The following KRT40 variants were observed in gnomAD, a reference collection of about 807,000 sequenced individuals.
KRT40 encodes keratin, type I cytoskeletal 40.
A neutral mutation model predicts 43.5 loss-of-function variants in KRT40; 47 were observed. That is an observed-to-expected ratio of 1.08 (90% confidence interval 0.86 to 1.38). The LOEUF (loss-of-function observed/expected upper bound fraction) is 1.38, where lower values mean the gene tolerates loss of function less well. Among genes scored for constraint, KRT40 ranks in the 40% most tolerant of loss-of-function variants. The pLI, the probability that KRT40 is intolerant of heterozygous loss-of-function variation, is 0.00. For synonymous variants in KRT40, 212 were observed against 214.0 expected (o/e 0.99, Z 0.08); for missense variants, 573 against 523.6 (o/e 1.09, Z -0.92).
At chr17:40,981,301 T>G (rs8074364) in intron 3 of KRT40, 150 bp from the exon 4 acceptor site, 414,729 of 1,431,036 alleles carry the variant, frequency 0.29, 65,375 homozygotes, top group African/African-American at 0.63. Flanking sequence ...TTTTCACCAC[T>G]TAGAAGGGCC....
At chr17:40,986,011 T>C (rs1223431245), upstream of KRT40, among the ~76,000 whole-genome samples, 2 of 152,248 alleles carry the variant, frequency 1.3e-5, no homozygotes, top group Non-Finnish European at 2.9e-5. Flanking sequence ...GTTATTGTCC[T>C]GCAGGTAGGA....
At position 40,980,776 on chromosome 17, in the gene KRT40, C is replaced by G. The variant is rs781343960; in HGVS notation, c.975+9G>C. The G allele has an allele frequency of 6.3e-7, 1 of 1,587,802 alleles. No individual in the cohort carries two copies. The highest frequency in any genetic ancestry group is 1.1e-5 in the South Asian group (1 of 87,348). On this transcript the variant is annotated intron_variant, in intron 5 of 6. Transcript: ENST00000377755. ...GTGACACAACGGACACTGCCTTTGCCTCACGCACCAGGCTTTGCTGTGCTT... is the reference window on the plus strand; with the variant it reads ...GTGACACAACGGACACTGCCTTTGCGTCACGCACCAGGCTTTGCTGTGCTT...
rs1362856346 is a variant in KRT40 at position 40,981,121 on chromosome 17, C to T, written c.718G>A (p.Asp240Asn). 7.4e-6 allele frequency: 12 copies of T among 1,613,934 alleles called. No homozygotes were observed. The highest frequency in any genetic ancestry group is 4.0e-5 in the African/African-American group (3 of 74,900). ...EVNLLREQLG[D>N]RLSVELDTAP... ...GTGTCCAGCTCCACACTGAGGCGGT[C>T]GCCAAGCTGTTCACGAAGCAAGTTG... The change falls in exon 4 of 7, where the codon GAC (aspartate) becomes AAC (asparagine). Residue 240 changes from aspartate to asparagine, a missense_variant. Physicochemically the swap from Asp to Asn is conservative, Grantham distance 23 (BLOSUM62 1). Transcript: ENST00000377755.
chr17:40,981,391 C>T lies in KRT40; in HGVS notation c.688-240G>A, dbSNP rs1170359844. Reference sequence around the variant, plus strand: ...TATTGTGAGATCTAGAAGAGTCAATCTACACATAATTAACTTATAAAAGTT... The same window carrying T: ...TATTGTGAGATCTAGAAGAGTCAATTTACACATAATTAACTTATAAAAGTT... On this transcript the variant is annotated intron_variant, in intron 3 of 6. Coordinates refer to ENST00000377755, the MANE Select transcript of KRT40 (RefSeq NM_001389244.1). 5.5e-6 allele frequency: 4 copies of T among 733,752 alleles called. No individual in the cohort carries two copies. In the African/African-American group the frequency reaches 7.0e-5, roughly 13 times the overall value. 45.5% of individuals were successfully genotyped at this position (733,752 alleles called of 1,614,324 possible).
At chr17:40,984,338 TC>T (rs559937425), upstream of KRT40, 238 of 1,282,750 alleles carry the variant, frequency 1.9e-4, no homozygotes, top group Admixed American at 8.6e-4. Flanking sequence ...AAAACTCTCC[TC>T]TCCTGAGAGT....
rs9908389 is a variant in KRT40, at chr17:40,980,852, A to G, written c.908T>C (p.Met303Thr). The G allele has an allele frequency of 0.29, 461,757 of 1,612,814 alleles. 72,048 individuals carry two copies. The highest frequency in any genetic ancestry group is 0.63 in the African/African-American group (47,018 of 74,854). The change falls in exon 5 of 7, where the codon ATG (methionine) becomes ACG (threonine). Residue 303 changes from methionine to threonine, a missense_variant. Coordinates refer to ENST00000377755, the MANE Select transcript of KRT40 (RefSeq NM_001389244.1). ...SSAEQLQGCQ[M>T]EILELKRTAS... ...TGTGCGTTTCAGTTCCAAGATCTCCATCTGGCAGCCCTGCAGCTGCTCCGC... is the reference window on the plus strand; with the variant it reads ...TGTGCGTTTCAGTTCCAAGATCTCCGTCTGGCAGCCCTGCAGCTGCTCCGC...
At chr17:40,979,527 C>T (rs8069032) in intron 5 of KRT40, among the ~76,000 whole-genome samples, 57,624 of 150,884 alleles carry the variant, frequency 0.38, 13,310 homozygotes, top group African/African-American at 0.66. Context: ...AGTTAATGTG[C>T]GTAAAGCATT....
chr17:40,978,038 G>A lies in KRT40; in HGVS notation c.*159C>T, dbSNP rs558813196. ...TACCACAAATAAGCCGGAAGGAGAG[G>A]AAATAGTAAAGCAGAAAGACTGAGG... On this transcript the variant is annotated 3_prime_UTR_variant, in exon 7 of 7. Transcript: ENST00000377755. 32 of 587,678 alleles carry A rather than the reference G, an allele frequency of 5.4e-5. No individual in the cohort carries two copies. Among genetic ancestry groups the A allele is most frequent in the African/African-American group, 5.4e-4 (29 of 54,174 alleles). The allele number at this position is 587,678 out of a possible 1,614,324, so 36.4% of individuals were successfully genotyped here. A position where few individuals can be genotyped will look rare whatever the true frequency, so the allele number is the denominator to read the frequency against.
At chr17:40,982,876 C>T (rs1038809106) in intron 2 of KRT40, among the ~76,000 whole-genome samples, 170 bp downstream of exon 2, 11 of 152,052 alleles carry the variant, frequency 7.2e-5, no homozygotes, top group South Asian at 2.1e-4. Context: ...TGGCGGTGCA[C>T]GCCTGCCTGT....
chr17:40,982,741 T>C (rs1024948883), intron 2 of KRT40, among the ~76,000 whole-genome samples: 2 of 152,114 alleles, frequency 1.3e-5, no homozygotes, highest in Non-Finnish European at 2.9e-5. Context: ...TGGTGGCTCA[T>C]GCCTGTAATC....
intron 1 of KRT40, 142 bp downstream of exon 1, chr17:40,983,685 T>C: frequency 1.3e-6 from 1 of 750,810 alleles, no homozygotes; most frequent in Non-Finnish European, 2.2e-6. Flanking sequence ...TGACTTTCAG[T>C]CCGGTGCTCT....
At position 40,980,895 on chromosome 17, in the gene KRT40, GATTCAGCTCTTCTGT is replaced by G; in HGVS notation, c.850_864del (p.Thr284_Asn288del). On this transcript the variant is annotated inframe_deletion and splice_region_variant, in exon 5 of 7. Coordinates refer to ENST00000377755, the MANE Select transcript of KRT40 (RefSeq NM_001389244.1). ...TGCTCCGCGCTGGACAGTTGCTGCT[GATTCAGCTCTTCTGT>G]CTGAAACACAGACACCATTAGAGAA... The G allele has an allele frequency of 3.7e-6, 6 of 1,614,032 alleles. No homozygotes were observed. Among genetic ancestry groups the G allele is most frequent in the Non-Finnish European group, 5.1e-6 (6 of 1,180,026 alleles).
upstream of KRT40, among the ~76,000 whole-genome samples, chr17:40,985,372 T>C (rs1282533682): frequency 6.6e-6 from 1 of 152,216 alleles, no homozygotes; most frequent in African/African-American, 2.4e-5. Context: ...CTCTTGGATT[T>C]CACCTCCATT....
At chr17:40,979,165 C>T in intron 5 of KRT40, 141 bp from the exon 6 acceptor site, 3 of 645,598 alleles carry the variant, frequency 4.6e-6, no homozygotes, top group Non-Finnish European at 5.5e-6. Context: ...CAGTTTTATT[C>T]TCTGTATAGT....
In KRT40 at chr17:40,980,904, C is replaced by T. The variant is rs763683194; in HGVS notation, c.856G>A (p.Glu286Lys). The change falls in exon 5 of 7, where the codon GAG becomes AAG. Residue 286 changes from glutamate (E) to lysine (K), a missense_variant. By Grantham distance (56) the Glu-to-Lys change is moderately conservative. Coordinates refer to ENST00000377755, the MANE Select transcript of KRT40 (RefSeq NM_001389244.1). ...CTGGACAGTTGCTGCTGATTCAGCT[C>T]TTCTGTCTGAAACACAGACACCATT... ...AEEWLAVQTE[E>K]LNQQQLSSAE... The T allele has an allele frequency of 6.2e-7, 1 of 1,614,012 alleles. No homozygotes were observed. Among genetic ancestry groups the T allele is most frequent in the South Asian group, 1.1e-5 (1 of 91,066 alleles).
At position 40,978,124 on chromosome 17, in the gene KRT40, G is replaced by A. The variant is rs994498004; in HGVS notation, c.*73C>T. On this transcript the variant is annotated 3_prime_UTR_variant, in exon 7 of 7. Coordinates refer to ENST00000377755, the MANE Select transcript of KRT40 (RefSeq NM_001389244.1). ...CTGGATTTGTGCTTCCGGTTTGGAT[G>A]TCCCTGGTTGAAGCCCCATCTCCTT... is the stretch of plus-strand genomic sequence containing the variant. 5.3e-6 allele frequency: 6 copies of A among 1,124,080 alleles called. No individual in the cohort carries two copies. The highest frequency in any genetic ancestry group is 1.7e-5 in the Admixed American group (1 of 58,254). The allele number at this position is 1,124,080 out of a possible 1,614,324, so 69.6% of individuals were successfully genotyped here. A position where few individuals can be genotyped will look rare whatever the true frequency, so the allele number is the denominator to read the frequency against.
intron 5 of KRT40, among the ~76,000 whole-genome samples, chr17:40,979,505 A>G (rs1912013831): frequency 2.0e-5 from 3 of 150,886 alleles, no homozygotes; most frequent in Admixed American, 2.0e-4. Context: ...CCGTCCAAAA[A>G]AAAAAAAAAA....
Position 40,978,835 on chromosome 17 carries a change from A to G in KRT40, c.1165T>C (p.Tyr389His). The G allele has an allele frequency of 6.2e-7, 1 of 1,612,934 alleles. No individual in the cohort carries two copies. ...TCCTCGCTGTCCAGCAGGCCCCAGTACGTGTTGATCTCACCCTCCAGCCGG... is the reference window on the plus strand; with the variant it reads ...TCCTCGCTGTCCAGCAGGCCCCAGTGCGTGTTGATCTCACCCTCCAGCCGG... ...KARLEGEINT[Y>H]WGLLDSEDSR... The change falls in exon 6 of 7, where the codon TAC (tyrosine) becomes CAC (histidine). Residue 389 changes from tyrosine (Y) to histidine (H), a missense_variant. Physicochemically the swap from Tyr to His is moderately conservative, Grantham distance 83. Transcript: ENST00000377755.
intron 3 of KRT40, 57 bp from the exon 4 acceptor site, chr17:40,981,208 C>T: frequency 6.2e-7 from 1 of 1,609,810 alleles, no homozygotes; most frequent in Non-Finnish European, 8.5e-7. Context: ...ATCCATTTGA[C>T]ATCCAATGGC....
Sources: allele counts gnomAD v4.1 joint callset (sites outside exome capture counted in the v4.1 genomes callset), GRCh38; gene constraint gnomAD v4.1.1; transcripts MANE v1.5; gene names NCBI Gene and HGNC (gene_info 2026-07-23, HGNC 2026-07-21).